Variants in LSP1 observed in about 807,000 individuals in gnomAD.
LSP1 encodes lymphocyte-specific protein 1.
LSP1 carries 32 observed loss-of-function variants against 49.3 expected under a neutral mutation model. The ratio of observed to expected loss-of-function variants is 0.65; its 90% confidence interval spans 0.49 to 0.87. LSP1 has a LOEUF of 0.87. LSP1 is among the 40% of genes least tolerant of loss of function. LSP1 has a pLI of 0.00. For missense variants in LSP1, 428 were observed against 442.6 expected, an observed-to-expected ratio of 0.97 and a Z score of 0.30; for synonymous variants, 179 against 178.8, an observed-to-expected ratio of 1.00 and a Z score of -0.01.
intron 1 of LSP1, among the ~76,000 whole-genome samples, chr11:1,874,651 A>T (rs1848231254): frequency 6.6e-6 from 1 of 152,054 alleles, no homozygotes; most frequent in South Asian, 2.1e-4. Flanking sequence ...TGAGCCAGGG[A>T]GGCGCCGGGA....
chr11:1,880,585 C>G (rs553275888), intron 2 of LSP1: 1 of 227,704 alleles, frequency 4.4e-6, no homozygotes, highest in Non-Finnish European at 8.5e-6. Flanking sequence ...GCCAGGCTGG[C>G]TTGCTTCCTC....
At chr11:1,890,721 A>G (rs894400951) in intron 10 of LSP1, 1 of 604,002 alleles carries the variant, frequency 1.7e-6, no homozygotes, top group African/African-American at 1.9e-5. Flanking sequence ...CTTCCTGAGC[A>G]CCCAGAACCT....
chr11:1,889,308 G>A (rs1015277947), intron 10 of LSP1: 7 of 706,758 alleles, frequency 9.9e-6, no homozygotes, highest in African/African-American at 1.8e-5. Context: ...GCTGGCTGGG[G>A]TGTGCTCCCC....
At chr11:1,890,298 G>C (rs1848942224) in intron 10 of LSP1, 4 of 711,882 alleles carry the variant, frequency 5.6e-6, no homozygotes, top group African/African-American at 3.5e-5. Context: ...TGGGGCTTCA[G>C]GAAGGCGTGG....
chr11:1,870,470 G>A lies in LSP1; in HGVS notation c.54-9617G>A, dbSNP rs12421342. The A allele has an allele frequency of 1.5e-5, 18 of 1,197,164 alleles. No individual in the cohort carries two copies. In the South Asian group the frequency reaches 2.0e-4, roughly 14 times the overall value. 74.2% of individuals were successfully genotyped at this position (1,197,164 alleles called of 1,614,324 possible). A position where few individuals can be genotyped will look rare whatever the true frequency, so the allele number is the denominator to read the frequency against. ...GGGGCTGGTCAGCCATGAAAGCTTC[G>A]GGGAGGGGCCGGTGGCCAGGCCGGG... On this transcript the variant is annotated intron_variant, in intron 1 of 10. Transcript: ENST00000311604.
rs149617566 is a variant in LSP1, at chr11:1,887,539, T to C, written c.996T>C (p.Leu332=). Residue 332 remains leucine, a synonymous_variant, in exon 10 of 11, where the codon CTT becomes CTC. Coordinates refer to ENST00000311604, the MANE Select transcript of LSP1 (RefSeq NM_002339.3). ...GGCATGGGAAGTATGAGAAGGTGCT[T>C]GTGGAAGGGGGCCCGGCTCCCTAGG... ...ATGHGKYEKV[L]VEGGPAP 6 of 1,613,388 alleles carry C rather than the reference T, an allele frequency of 3.7e-6. No individual in the cohort carries two copies. Among genetic ancestry groups the C allele is most frequent in the Non-Finnish European group, 3.4e-6 (4 of 1,179,880 alleles).
intron 1 of LSP1, chr11:1,866,840 C>T (rs1244214617): frequency 6.5e-7 from 1 of 1,548,486 alleles, no homozygotes; most frequent in South Asian, 1.2e-5. Flanking sequence ...TGTGCGGTGG[C>T]TCACCCCCTT....
rs533631131 is a variant in LSP1, at chr11:1,888,988, C to T, written c.*13+1412C>T. 8 of 541,496 alleles carry T rather than the reference C, an allele frequency of 1.5e-5. No homozygotes were observed. In the South Asian group the frequency reaches 1.7e-4, roughly 12 times the overall value. The allele number at this position is 541,496 out of a possible 1,614,324, so 33.5% of individuals were successfully genotyped here. A position where few individuals can be genotyped will look rare whatever the true frequency, so the allele number is the denominator to read the frequency against. On this transcript the variant is annotated intron_variant, in intron 10 of 10. Transcript: ENST00000311604. ...CACCCTCCTAACCATGCAGACTTCC[C>T]TCAGCACCCCATGTGCCCTTCCCAG...
Position 1,884,060 on chromosome 11 carries a change from T to C in LSP1, c.591+36T>C. 6.4e-7 allele frequency: 1 copy of C among 1,565,708 alleles called. No homozygotes were observed. Among genetic ancestry groups the C allele is most frequent in the Admixed American group, 1.9e-5 (1 of 53,010 alleles). ...CTGCAAAGCCTGCCATCTTCTCCCC[T>C]CTCCCGTACTCATACCCAAAAGGCC... On this transcript the variant is annotated intron_variant, in intron 5 of 10. Transcript: ENST00000311604. The surrounding 1 kb of genome is among the most constrained non-coding windows in gnomAD (Gnocchi z 4.1).
intron 1 of LSP1, among the ~76,000 whole-genome samples, chr11:1,879,349 C>T (rs867128104): frequency 6.6e-6 from 1 of 152,110 alleles, no homozygotes; most frequent in South Asian, 2.1e-4. Context: ...CCGTCTCAAA[C>T]AAACAAACAA....
chr11:1,862,183 G>A (rs896457591), intron 1 of LSP1, among the ~76,000 whole-genome samples: 1 of 152,176 alleles, frequency 6.6e-6, no homozygotes, highest in Non-Finnish European at 1.5e-5. Context: ...CAGAGAGATG[G>A]ATGGATGAGT....
intron 1 of LSP1, chr11:1,866,341 G>A: frequency 1.2e-6 from 1 of 820,862 alleles, no homozygotes; most frequent in Non-Finnish European, 1.9e-6. Flanking sequence ...GGCACTCAGT[G>A]CTGAGACTCT....
At chr11:1,855,554 T>A (rs1198985799) in intron 1 of LSP1, among the ~76,000 whole-genome samples, 1 of 152,098 alleles carries the variant, frequency 6.6e-6, no homozygotes, top group Non-Finnish European at 1.5e-5. Context: ...CACCCCTCCA[T>A]GATGTGGTCT....
At chr11:1,866,944 C>T (rs1158839013) in intron 1 of LSP1, 25 of 1,472,654 alleles carry the variant, frequency 1.7e-5, no homozygotes, top group Admixed American at 4.5e-5. Flanking sequence ...GCACTGAAAC[C>T]GTGTGGGCCC....
rs543820693 is a variant in LSP1 at position 1,888,942 on chromosome 11, T to C, written c.*13+1366T>C. ...GCAGCCCAGGGGCTCCAGCTCGTCC[T>C]CTCTGCCCCGTCCACCTGACCACCC... On this transcript the variant is annotated intron_variant, in intron 10 of 10. Coordinates refer to ENST00000311604, the MANE Select transcript of LSP1 (RefSeq NM_002339.3). 3.0e-4 allele frequency: 155 copies of C among 508,388 alleles called. 3 individuals carry two copies. The South Asian group carries it at 3.4e-3, about 11-fold the overall frequency. The allele number at this position is 508,388 out of a possible 1,614,324, so 31.5% of individuals were successfully genotyped here.
intron 1 of LSP1, among the ~76,000 whole-genome samples, chr11:1,856,981 C>G (rs1411786193): frequency 6.6e-6 from 1 of 152,234 alleles, no homozygotes; most frequent in Non-Finnish European, 1.5e-5. Flanking sequence ...GGGCTAAGCC[C>G]TGGGGCTCCC....
At chr11:1,879,940 G>C in intron 1 of LSP1, 147 bp from the exon 2 acceptor site, 1 of 893,626 alleles carries the variant, frequency 1.1e-6, no homozygotes, top group Non-Finnish European at 1.7e-6. Flanking sequence ...GACAAGGTGA[G>C]GCCTGAGGGC....
chr11:1,853,499 G>A (rs943500085), intron 1 of LSP1, among the ~76,000 whole-genome samples: 1 of 152,234 alleles, frequency 6.6e-6, no homozygotes, highest in African/African-American at 2.4e-5. Flanking sequence ...GAGACCCCAA[G>A]ACGTGTCCTG....
In LSP1 at chr11:1,865,122, C is replaced by G. The variant is rs777996577; in HGVS notation, c.53+11925C>G. On this transcript the variant is annotated intron_variant, in intron 1 of 10. Coordinates refer to ENST00000311604, the MANE Select transcript of LSP1 (RefSeq NM_002339.3). ...GGAGGGCAGCAGAGAGGAGGGCCAG[C>G]AGGACAGGAGCCTTTGAGATGCTGC... The G allele has an allele frequency of 1.3e-5, 11 of 853,678 alleles. No individual in the cohort carries two copies. The South Asian group carries it at 1.6e-4, about 12-fold the overall frequency. 52.9% of individuals were successfully genotyped at this position (853,678 alleles called of 1,614,324 possible). A position where few individuals can be genotyped will look rare whatever the true frequency, so the allele number is the denominator to read the frequency against.
Sources: allele counts gnomAD v4.1 joint callset (sites outside exome capture counted in the v4.1 genomes callset), GRCh38; gene constraint gnomAD v4.1.1; non-coding constraint Gnocchi (gnomAD v3.1); transcripts MANE v1.5; gene names NCBI Gene and HGNC (gene_info 2026-07-23, HGNC 2026-07-21).